Variants in MID1 observed in about 807,000 individuals in gnomAD.
MID1 encodes the protein midline 1.
Under a neutral mutation model 40.4 loss-of-function variants are expected in MID1, and 7 were observed. That is an observed-to-expected ratio of 0.17 (90% CI 0.10 to 0.33). The LOEUF (loss-of-function observed/expected upper bound fraction) is 0.33, where lower values mean the gene tolerates loss of function less well. Among genes scored for constraint, MID1 ranks in the 10% least tolerant of loss-of-function variants. MID1 has a pLI of 1.00. For synonymous variants in MID1, 229 were observed against 221.2 expected, an observed-to-expected ratio of 1.04 and a Z score of -0.31; for missense variants, 367 against 558.5, an observed-to-expected ratio of 0.66 and a Z score of 3.46.
chrX:10,446,939 A>G lies in MID1; in HGVS notation c.*2429T>C, dbSNP rs771272035. On this transcript the variant is annotated 3_prime_UTR_variant, in exon 10 of 10. Transcript: ENST00000317552. Reference sequence around the variant, plus strand: ...CAAATAATAAAATACTGTGACCTCAATCAGTTTAAAGAGAATGCAAAATTA... The same window carrying G: ...CAAATAATAAAATACTGTGACCTCAGTCAGTTTAAAGAGAATGCAAAATTA... 2.7e-5 allele frequency: 3 copies of G among 111,962 alleles called. No homozygotes were observed. The highest frequency in any genetic ancestry group is 9.8e-5 in the African/African-American group (3 of 30,722). 9.2% of individuals were successfully genotyped at this position (111,962 alleles called of 1,213,427 possible).
intron 1 of MID1, among the ~76,000 whole-genome samples, chrX:10,590,247 C>G (rs1055795107): frequency 8.9e-6 from 1 of 111,835 alleles, no homozygotes; most frequent in South Asian, 3.9e-4. Flanking sequence ...GGTTCTTAGG[C>G]GCCGGGCTAC....
At chrX:10,820,562 G>A (rs1301195130) in intron 1 of MID1, among the ~76,000 whole-genome samples, 1 of 111,353 alleles carries the variant, frequency 9.0e-6, no homozygotes, top group Non-Finnish European at 1.9e-5. Flanking sequence ...AACACTAAAA[G>A]AGACTTTAAA....
At chrX:10,597,048 G>T (rs78068189) in intron 1 of MID1, among the ~76,000 whole-genome samples, 2 of 110,276 alleles carry the variant, frequency 1.8e-5, no homozygotes, top group Non-Finnish European at 3.8e-5. Context: ...CAAAAAAAAA[G>T]AGAGAGAGAG....
At chrX:10,720,102 A>G (rs1218137282) in intron 1 of MID1, among the ~76,000 whole-genome samples, 1 of 112,142 alleles carries the variant, frequency 8.9e-6, no homozygotes, top group Non-Finnish European at 1.9e-5. Context: ...ACCCTAGAAG[A>G]AAACCTAGGC....
chrX:10,467,378 C>G (rs1227254993), intron 7 of MID1, among the ~76,000 whole-genome samples: 1 of 111,729 alleles, frequency 9.0e-6, no homozygotes, highest in Non-Finnish European at 1.9e-5. Flanking sequence ...GTTACTAAAC[C>G]ATTGCTATAC....
At chrX:10,572,175 A>C (rs750481342) in intron 1 of MID1, among the ~76,000 whole-genome samples, 3 of 99,282 alleles carry the variant, frequency 3.0e-5, no homozygotes. Context: ...CTCTATATAT[A>C]TATGTATCTA....
At chrX:10,643,222 C>A (rs762463035) in intron 1 of MID1, among the ~76,000 whole-genome samples, 162 of 111,198 alleles carry the variant, frequency 1.5e-3, no homozygotes, top group Middle Eastern at 4.6e-3. Context: ...TCAGAGTGAA[C>A]AGGCAACCTA....
intron 1 of MID1, among the ~76,000 whole-genome samples, chrX:10,782,606 A>G: frequency 9.0e-6 from 1 of 111,532 alleles, no homozygotes; most frequent in Admixed American, 9.6e-5. Flanking sequence ...AGTCATTAAG[A>G]AACTTTCCTA....
chrX:10,719,104 A>G (rs951267878), intron 1 of MID1, among the ~76,000 whole-genome samples: 3 of 111,766 alleles, frequency 2.7e-5, no homozygotes, highest in Non-Finnish European at 3.8e-5. Context: ...TGAATGGGCA[A>G]AAACTGGAAG....
At chrX:10,552,116 C>T (rs907462472) in intron 2 of MID1, among the ~76,000 whole-genome samples, 3 of 108,457 alleles carry the variant, frequency 2.8e-5, no homozygotes, top group African/African-American at 1.0e-4. Flanking sequence ...TTTGTGAATC[C>T]GGCCCAAAGA....
At chrX:10,647,630 T>G (rs973040330) in intron 1 of MID1, among the ~76,000 whole-genome samples, 1 of 111,891 alleles carries the variant, frequency 8.9e-6, no homozygotes, top group Admixed American at 9.5e-5. Flanking sequence ...AAGTAAGTTA[T>G]CTATTTGGGG....
At position 10,793,744 on chromosome X, in the gene MID1, C is replaced by T. The variant is rs1364060711; in HGVS notation, c.-187+39810G>A. 3.6e-5 allele frequency among the ~76,000 whole-genome samples: 4 copies of T among 112,213 alleles called. No individual in the cohort carries two copies. The East Asian group carries it at 8.5e-4, about 24-fold the overall frequency. On this transcript the variant is annotated intron_variant, in intron 1 of 10. Coordinates refer to the MID1 transcript ENST00000380785. ...CCTATGGGCCTTCCTGTCCATCAAGCCTTGGAGGAGCATCCTAGCTCATGC... is the reference window on the plus strand; with the variant it reads ...CCTATGGGCCTTCCTGTCCATCAAGTCTTGGAGGAGCATCCTAGCTCATGC...
intron 1 of MID1, among the ~76,000 whole-genome samples, chrX:10,725,710 T>C (rs1000897974): frequency 1.1e-4 from 12 of 110,990 alleles, no homozygotes; most frequent in Non-Finnish European, 2.3e-4. Flanking sequence ...AATACAAAAA[T>C]TTGTTGGGCG....
intron 4 of MID1, among the ~76,000 whole-genome samples, chrX:10,485,058 G>A (rs1462173445): frequency 8.9e-6 from 1 of 112,094 alleles, no homozygotes; most frequent in Non-Finnish European, 1.9e-5. Flanking sequence ...TCAGCATACA[G>A]CCTGTTTGTG....
At chrX:10,536,627 T>C (rs957266596) in intron 2 of MID1, among the ~76,000 whole-genome samples, 2 of 112,544 alleles carry the variant, frequency 1.8e-5, no homozygotes, top group African/African-American at 6.5e-5. Flanking sequence ...CAATTACAAA[T>C]TGCAAAGTCT....
Position 10,448,449 on chromosome X carries a change from G to T in MID1, c.*919C>A, listed in dbSNP as rs890094289. 1.8e-5 allele frequency: 2 copies of T among 110,693 alleles called. No individual in the cohort carries two copies. Among genetic ancestry groups the T allele is most frequent in the Admixed American group, 1.9e-4 (2 of 10,365 alleles). 9.1% of individuals were successfully genotyped at this position (110,693 alleles called of 1,213,427 possible). The stretch of plus-strand genomic sequence containing the variant: ...AAAGGAAAATTGATATGGGGGAGCG[G>T]GAAATAGGAGAACTATTAAATGTAG... On this transcript the variant is annotated 3_prime_UTR_variant, in exon 10 of 10. Transcript: ENST00000317552.
intron 1 of MID1, among the ~76,000 whole-genome samples, chrX:10,738,401 G>T (rs955384259): frequency 9.0e-6 from 1 of 110,888 alleles, no homozygotes. Flanking sequence ...ACAGAAGGAG[G>T]TCCCACCCAG....
intron 1 of MID1, among the ~76,000 whole-genome samples, chrX:10,612,904 GTTTC>G (rs760910353): frequency 8.9e-6 from 1 of 112,029 alleles, no homozygotes; most frequent in Admixed American, 9.5e-5. Context: ...AGGGTAAAGT[GTTTC>G]TTGTGCTAAA....
At chrX:10,704,704 ATGTG>A (rs200165129) in intron 1 of MID1, among the ~76,000 whole-genome samples, 9 of 80,970 alleles carry the variant, frequency 1.1e-4, no homozygotes, top group African/African-American at 4.4e-4. Flanking sequence ...ATATATATGC[ATGTG>A]TGTGTGTGTA....
Sources: allele counts gnomAD v4.1 joint callset (sites outside exome capture counted in the v4.1 genomes callset), GRCh38; gene constraint gnomAD v4.1.1; transcripts MANE v1.5; gene names NCBI Gene and HGNC (gene_info 2026-07-23, HGNC 2026-07-21).